Variants in SRGAP2C observed in about 807,000 individuals in gnomAD.
SRGAP2C encodes SLIT-ROBO Rho GTPase-activating protein 2C.
A neutral mutation model predicts 25.1 loss-of-function variants in SRGAP2C; 15 were observed. That is an observed-to-expected ratio of 0.60 (90% CI 0.40 to 0.92). The LOEUF (loss-of-function observed/expected upper bound fraction) is 0.92, where lower values mean the gene tolerates loss of function less well. SRGAP2C is among the 40% of genes least tolerant of loss of function. The pLI, the probability that SRGAP2C is intolerant of heterozygous loss-of-function variation, is 0.00. For synonymous variants in SRGAP2C, 44 were observed against 96.6 expected (o/e 0.46, Z 3.19); for missense variants, 144 against 264.4 (o/e 0.54, Z 3.16).
At chr1:121,367,524 C>G (rs2790278) in intron 5 of SRGAP2C, among the ~76,000 whole-genome samples, 1 of 152,052 alleles carries the variant, frequency 6.6e-6, no homozygotes, top group East Asian at 1.9e-4. Flanking sequence ...GAGACATTGA[C>G]AATCTTCTGA....
chr1:121,222,620 C>T (rs1655558123), intron 2 of SRGAP2C, among the ~76,000 whole-genome samples: 1 of 151,974 alleles, frequency 6.6e-6, no homozygotes, highest in Admixed American at 6.6e-5. Flanking sequence ...GAGCAAGACC[C>T]TGTCTCAAAA....
intron 3 of SRGAP2C, among the ~76,000 whole-genome samples, chr1:121,314,057 G>A (rs1453636734): frequency 9.2e-6 from 1 of 109,040 alleles, no homozygotes; most frequent in African/African-American, 3.6e-5. Flanking sequence ...TCACTTTCAG[G>A]TACACCAATC....
chr1:121,292,127 T>C (rs1657505020), intron 3 of SRGAP2C, among the ~76,000 whole-genome samples: 1 of 151,882 alleles, frequency 6.6e-6, no homozygotes, highest in African/African-American at 2.4e-5. Flanking sequence ...GTTCTGTTTG[T>C]TTTTCCGCCA....
chr1:121,324,496 C>T lies in SRGAP2C; in HGVS notation c.279C>T (p.Leu93=), dbSNP rs1160082053. ...DQQFKKDQNV[L]SPVNCWNLLL... ...TTCACAGGAAGGATCAGAATGTTCT[C>T]TCTCCAGTCAACTGCTGGAATCTCC... The change falls in exon 4 of 10, where the codon CTC becomes CTT. Residue 93 remains leucine, a synonymous_variant. Coordinates refer to ENST00000367123, the MANE Select transcript of SRGAP2C (RefSeq NM_001329984.2). The T allele has an allele frequency of 1.9e-5, 30 of 1,613,136 alleles. No homozygotes were observed. The Admixed American group carries it at 4.7e-4, about 25-fold the overall frequency.
At chr1:121,270,342 A>T (rs1242362234) in intron 2 of SRGAP2C, among the ~76,000 whole-genome samples, 1 of 151,236 alleles carries the variant, frequency 6.6e-6, no homozygotes, top group Non-Finnish European at 1.5e-5. Flanking sequence ...TTTCTGCTGT[A>T]TTTTGTTAGC....
Position 121,235,643 on chromosome 1 carries a change from G to T in SRGAP2C, c.67+48130G>T, listed in dbSNP as rs1292697702. The stretch of plus-strand genomic sequence containing the variant: ...CTTTTTCTGTTTTTTTTTTTTTTTA[G>T]GAGGGGGTTCAAATATAAAATATAC... On this transcript the variant is annotated intron_variant, in intron 2 of 9. Transcript: ENST00000367123. Among the ~76,000 whole-genome samples, 2 of 56,646 alleles carry T rather than the reference G, an allele frequency of 3.5e-5. 1 individual carries two copies. Among genetic ancestry groups the T allele is most frequent in the Non-Finnish European group, 6.0e-5 (2 of 33,150 alleles). The allele number at this position is 56,646 out of a possible 152,430, so 37.2% of individuals were successfully genotyped here.
rs1459498643 is a variant in SRGAP2C, at chr1:121,392,093, G to C, written c.*4238G>C. 1.3e-5 allele frequency: 2 copies of C among 152,138 alleles called. No homozygotes were observed. The highest frequency in any genetic ancestry group is 4.8e-5 in the African/African-American group (2 of 41,448). The allele number at this position is 152,138 out of a possible 1,614,324, so 9.4% of individuals were successfully genotyped here. A position where few individuals can be genotyped will look rare whatever the true frequency, so the allele number is the denominator to read the frequency against. On this transcript the variant is annotated 3_prime_UTR_variant, in exon 10 of 10. Coordinates refer to ENST00000367123, the MANE Select transcript of SRGAP2C (RefSeq NM_001329984.2). ...ATTTAAGAGTATATTTGCACACACA[G>C]AGGAAGCCATGAACTTGAAGAGAAG...
chr1:121,224,823 C>T (rs1260907652), intron 2 of SRGAP2C, among the ~76,000 whole-genome samples: 2 of 151,872 alleles, frequency 1.3e-5, no homozygotes, highest in East Asian at 1.9e-4. Flanking sequence ...GGGCTTCATG[C>T]GTGTGTGAGA....
intron 7 of SRGAP2C, among the ~76,000 whole-genome samples, chr1:121,375,742 G>T (rs1415393568): frequency 1.3e-5 from 2 of 151,752 alleles, no homozygotes; most frequent in African/African-American, 4.8e-5. Context: ...AGCATTTAAG[G>T]TTTCTCGGTG....
At chr1:121,306,218 C>T (rs1437729041) in intron 3 of SRGAP2C, among the ~76,000 whole-genome samples, 3 of 142,708 alleles carry the variant, frequency 2.1e-5, no homozygotes, top group Non-Finnish European at 3.0e-5. Flanking sequence ...GTGCCATTGT[C>T]TGCCCTTGTC....
chr1:121,322,898 A>G (rs1179380071), intron 3 of SRGAP2C, among the ~76,000 whole-genome samples: 5 of 152,188 alleles, frequency 3.3e-5, no homozygotes, highest in Non-Finnish European at 5.9e-5. Context: ...CTTTCTTTGT[A>G]GTAGGAGTCT....
chr1:121,287,697 C>T (rs2101571424), intron 3 of SRGAP2C, among the ~76,000 whole-genome samples: 1 of 152,284 alleles, frequency 6.6e-6, no homozygotes, highest in South Asian at 2.1e-4. Flanking sequence ...AGGCCGCGGA[C>T]CCTCGCGGTG....
chr1:121,328,975 G>T (rs1658377398), intron 4 of SRGAP2C, among the ~76,000 whole-genome samples: 1 of 134,172 alleles, frequency 7.5e-6, no homozygotes, highest in Non-Finnish European at 1.6e-5. Flanking sequence ...GCTTTGGGAG[G>T]CCAAGGTGGG....
chr1:121,272,593 C>T (rs587721446), intron 2 of SRGAP2C, among the ~76,000 whole-genome samples: 8 of 151,730 alleles, frequency 5.3e-5, no homozygotes, highest in East Asian at 1.9e-4. Flanking sequence ...TGAAGGAATT[C>T]GGGGATTCTT....
intron 2 of SRGAP2C, among the ~76,000 whole-genome samples, chr1:121,279,328 G>A (rs1457232399): frequency 2.0e-5 from 3 of 149,952 alleles, no homozygotes; most frequent in Non-Finnish European, 4.5e-5. Context: ...AGGAAAGAAA[G>A]GGATCTCTGG....
Position 121,329,136 on chromosome 1 carries a change from G to A in SRGAP2C, c.423+4496G>A, listed in dbSNP as rs1553341954. ...TGAAGCAGGAGAATCTCTTGAACCCGGGAAGTGGAGGTTGCAGTGAGCAGA... is the reference window on the plus strand; with the variant it reads ...TGAAGCAGGAGAATCTCTTGAACCCAGGAAGTGGAGGTTGCAGTGAGCAGA... On this transcript the variant is annotated intron_variant, in intron 4 of 9. Coordinates refer to ENST00000367123, the MANE Select transcript of SRGAP2C (RefSeq NM_001329984.2). Among the ~76,000 whole-genome samples, 21 of 146,656 alleles carry A rather than the reference G, an allele frequency of 1.4e-4. 1 individual carries two copies. The highest frequency in any genetic ancestry group is 8.3e-4 in the East Asian group (4 of 4,800).
At chr1:121,250,581 C>T (rs2101512222) in intron 2 of SRGAP2C, among the ~76,000 whole-genome samples, 1 of 119,876 alleles carries the variant, frequency 8.3e-6, no homozygotes, top group South Asian at 2.5e-4. Flanking sequence ...CCAAAATGCT[C>T]TTCAGAAGTA....
intron 3 of SRGAP2C, among the ~76,000 whole-genome samples, chr1:121,315,285 A>G (rs1329327364): frequency 6.6e-6 from 1 of 151,982 alleles, no homozygotes; most frequent in Non-Finnish European, 1.5e-5. Flanking sequence ...CCAGGAGTAC[A>G]GGCACGTGTC....
intron 3 of SRGAP2C, among the ~76,000 whole-genome samples, chr1:121,303,482 T>G (rs2101587440): frequency 6.6e-6 from 1 of 152,292 alleles, no homozygotes; most frequent in South Asian, 2.1e-4. Flanking sequence ...TATTCCAGGC[T>G]TAACTTGTAC....
Sources: allele counts gnomAD v4.1 joint callset (sites outside exome capture counted in the v4.1 genomes callset), GRCh38; gene constraint gnomAD v4.1.1; transcripts MANE v1.5; gene names NCBI Gene and HGNC (gene_info 2026-07-23, HGNC 2026-07-21).